The following SLIT2 variants were observed in gnomAD, a reference collection of about 807,000 sequenced individuals.
The protein encoded by SLIT2 is slit guidance ligand 2.
SLIT2 carries 41 observed loss-of-function variants against 185.7 expected under a neutral mutation model. That is an observed-to-expected ratio of 0.22 (90% CI 0.17 to 0.29). The LOEUF is 0.29. Ranked by LOEUF, SLIT2 falls within the 10% of genes least tolerant of loss-of-function variation. The probability of loss-of-function intolerance (pLI) is 1.00; values close to 1 mark genes in which losing one functional copy is unlikely to be tolerated. For missense variants in SLIT2, 1,571 were observed against 1,909.0 expected (o/e 0.82, Z 3.30); for synonymous variants, 693 against 680.2 (o/e 1.02, Z -0.29).
chr4:20,618,943 C>T lies in SLIT2; in HGVS notation c.4524C>T (p.Asp1508=), dbSNP rs1213410895. The part of the protein sequence containing the change: ...KRRKYSFECT[D]GSSFVDEVEK... The stretch of plus-strand genomic sequence containing the variant: ...GGAAATACTCTTTCGAATGCACTGA[C>T]GGCTCCTCCTTTGTGGACGAGGTTG... Residue 1508 remains aspartate (D), a synonymous_variant, in exon 37 of 37, where the codon GAC becomes GAT. Coordinates refer to ENST00000504154, the MANE Select transcript of SLIT2 (RefSeq NM_004787.4). The T allele has an allele frequency of 3.2e-5, 51 of 1,613,956 alleles. No homozygotes were observed. Among genetic ancestry groups the T allele is most frequent in the Non-Finnish European group, 4.1e-5 (48 of 1,180,018 alleles).
intron 5 of SLIT2, among the ~76,000 whole-genome samples, chr4:20,478,045 T>G (rs1359743209): frequency 2.6e-5 from 4 of 152,162 alleles, no homozygotes; most frequent in African/African-American, 9.7e-5. Context: ...ATTACATTGT[T>G]GCATAGTTTT....
At chr4:20,466,232 T>G (rs1714339082) in intron 4 of SLIT2, among the ~76,000 whole-genome samples, 2 of 152,138 alleles carry the variant, frequency 1.3e-5, no homozygotes, top group African/African-American at 4.8e-5. Flanking sequence ...TTGTTAAATA[T>G]TATTAACTTG....
At chr4:20,538,256 G>A (rs904171458) in intron 18 of SLIT2, among the ~76,000 whole-genome samples, 44 of 152,162 alleles carry the variant, frequency 2.9e-4, no homozygotes, top group African/African-American at 1.0e-3. Flanking sequence ...CACTGGACCT[G>A]GCGCTCAAAC....
At chr4:20,256,895 C>A (rs1177879179) in intron 2 of SLIT2, 152 bp downstream of exon 2, 5 of 491,408 alleles carry the variant, frequency 1.0e-5, no homozygotes, top group African/African-American at 4.0e-5. Flanking sequence ...CATTGTACTA[C>A]AACATTTAAT....
intron 4 of SLIT2, among the ~76,000 whole-genome samples, chr4:20,391,405 T>C (rs1725401157): frequency 6.6e-6 from 1 of 152,040 alleles, no homozygotes; most frequent in Non-Finnish European, 1.5e-5. Context: ...GCCAGCAATT[T>C]CATTGCACCA....
chr4:20,442,353 A>G (rs1340839053), intron 4 of SLIT2, among the ~76,000 whole-genome samples: 2 of 152,034 alleles, frequency 1.3e-5, no homozygotes, highest in Non-Finnish European at 2.9e-5. Context: ...CCCTGTCCCT[A>G]CTAAAAATAC....
intron 19 of SLIT2, among the ~76,000 whole-genome samples, chr4:20,540,081 C>T (rs1016329106): frequency 4.6e-5 from 7 of 151,604 alleles, no homozygotes; most frequent in Non-Finnish European, 4.4e-5. Flanking sequence ...GTCAGGCGTT[C>T]GAGACCAGCC....
At chr4:20,255,159 A>T (rs1477271922) in intron 1 of SLIT2, 1 of 408,872 alleles carries the variant, frequency 2.4e-6, no homozygotes, top group Non-Finnish European at 4.8e-6. Context: ...GCGCGTCTGG[A>T]TTCGTCCCGC....
At chr4:20,579,164 G>T (rs955854482) in intron 29 of SLIT2, among the ~76,000 whole-genome samples, 2 of 151,978 alleles carry the variant, frequency 1.3e-5, no homozygotes, top group African/African-American at 4.8e-5. Context: ...GCTGGGCGTG[G>T]TGGTGCGTGC....
chr4:20,432,826 G>A (rs755680155), intron 4 of SLIT2, among the ~76,000 whole-genome samples: 2 of 152,186 alleles, frequency 1.3e-5, no homozygotes, highest in Non-Finnish European at 2.9e-5. Context: ...AAACATAAAT[G>A]TGAGGGGTGT....
rs375586711 is a variant in SLIT2 at position 20,567,520 on chromosome 4, G to A, written c.2853G>A (p.Gly951=). Residue 951 remains glycine (G), a splice_region_variant and synonymous_variant, in exon 28 of 37, where the codon GGG becomes GGA. Coordinates refer to ENST00000504154, the MANE Select transcript of SLIT2 (RefSeq NM_004787.4). Reference sequence around the variant, plus strand: ...TATACTTGCCCCTTCTTCTCCAGGGGCAGGACTGTGATGTCCCAATTCATG... The same window carrying A: ...TATACTTGCCCCTTCTTCTCCAGGGACAGGACTGTGATGTCCCAATTCATG... ...YRCTCPYGFK[G]QDCDVPIHAC... is the part of the protein sequence containing the mutation. The A allele has an allele frequency of 1.4e-5, 22 of 1,612,906 alleles. No individual in the cohort carries two copies. The highest frequency in any genetic ancestry group is 1.9e-5 in the Non-Finnish European group (22 of 1,179,310).
chr4:20,352,100 CTA>C (rs1433456304), intron 4 of SLIT2, among the ~76,000 whole-genome samples: 1 of 152,086 alleles, frequency 6.6e-6, no homozygotes, highest in Non-Finnish European at 1.5e-5. Context: ...CTGTATGTCT[CTA>C]TGTATGCAAT....
intron 29 of SLIT2, among the ~76,000 whole-genome samples, chr4:20,576,378 G>A (rs560456755): frequency 1.3e-5 from 2 of 152,160 alleles, no homozygotes; most frequent in East Asian, 1.9e-4. Context: ...TTTATTTAGG[G>A]ATAGGTCTTT....
At chr4:20,540,781 G>A (rs1475901622) in intron 19 of SLIT2, among the ~76,000 whole-genome samples, 3 of 152,152 alleles carry the variant, frequency 2.0e-5, no homozygotes, top group African/African-American at 7.2e-5. Flanking sequence ...TGCATAAAAT[G>A]TGACATTTTA....
chr4:20,303,557 T>A (rs1391706993), intron 4 of SLIT2, among the ~76,000 whole-genome samples: 6 of 152,180 alleles, frequency 3.9e-5, no homozygotes, highest in Non-Finnish European at 8.8e-5. Flanking sequence ...TCCTCCTTTG[T>A]ACCAACCTCT....
At chr4:20,399,862 C>G (rs1268562892) in intron 4 of SLIT2, among the ~76,000 whole-genome samples, 3 of 151,652 alleles carry the variant, frequency 2.0e-5, no homozygotes, top group African/African-American at 7.3e-5. Flanking sequence ...GGATAAGTTC[C>G]AGGGAATGTC....
rs1233948598 is a variant in SLIT2 at position 20,568,994 on chromosome 4, T to C, written c.3078T>C (p.Pro1026=). ...ATAACTACACATGCCTTTGCCCACCTGAGTATACAGGTACAAATAATAGGA... is the reference window on the plus strand; with the variant it reads ...ATAACTACACATGCCTTTGCCCACCCGAGTATACAGGTACAAATAATAGGA... ...GINNYTCLCP[P]EYTGELCEEK... is the part of the protein sequence containing the mutation. The change falls in exon 29 of 37, where the codon CCT becomes CCC. Residue 1026 remains proline, a synonymous_variant. Transcript: ENST00000504154. 3 of 1,612,148 alleles carry C rather than the reference T, an allele frequency of 1.9e-6. No individual in the cohort carries two copies. Among genetic ancestry groups the C allele is most frequent in the Non-Finnish European group, 8.5e-7 (1 of 1,178,648 alleles).
At chr4:20,485,703 G>A (rs992684288) in intron 6 of SLIT2, among the ~76,000 whole-genome samples, 3 of 152,098 alleles carry the variant, frequency 2.0e-5, no homozygotes, top group Non-Finnish European at 2.9e-5. Flanking sequence ...TGATGTCTGC[G>A]GTAAATAATA....
At chr4:20,366,648 G>A (rs1017266519) in intron 4 of SLIT2, among the ~76,000 whole-genome samples, 14 of 152,084 alleles carry the variant, frequency 9.2e-5, no homozygotes, top group African/African-American at 3.1e-4. Context: ...AGTAATAGGA[G>A]CTCAGTAGGG....
Sources: allele counts gnomAD v4.1 joint callset (sites outside exome capture counted in the v4.1 genomes callset), GRCh38; gene constraint gnomAD v4.1.1; transcripts MANE v1.5; gene names NCBI Gene and HGNC (gene_info 2026-07-23, HGNC 2026-07-21).